PAICS: variants seen among roughly 807,000 people sequenced by gnomAD.
The protein encoded by PAICS is phosphoribosylaminoimidazole carboxylase and phosphoribosylaminoimidazolesuccinocarboxamide synthase.
PAICS carries 33 observed loss-of-function variants against 53.7 expected under a neutral mutation model. The ratio of observed to expected loss-of-function variants is 0.61; its 90% CI spans 0.47 to 0.82. The LOEUF (loss-of-function observed/expected upper bound fraction) is 0.82, where lower values mean the gene tolerates loss of function less well. PAICS is among the 40% of genes least tolerant of loss of function. PAICS has a pLI of 0.00. For synonymous variants in PAICS, 141 were observed against 167.2 expected (o/e 0.84, Z 1.21); for missense variants, 394 against 494.1 (o/e 0.80, Z 1.92).
intron 2 of PAICS, among the ~76,000 whole-genome samples, chr4:56,444,929 T>C (rs1025330364): frequency 1.3e-5 from 2 of 152,198 alleles, no homozygotes; most frequent in Non-Finnish European, 2.9e-5. Context: ...AGAAGAGCTC[T>C]TGAAACCAAG....
the PAICS span, among the ~76,000 whole-genome samples, chr4:56,418,685 C>T: frequency 4.6e-5 from 7 of 152,122 alleles, no homozygotes; most frequent in East Asian, 1.4e-3. Flanking sequence ...ACACAAAGAC[C>T]AAAGTTAATG....
At chr4:56,428,888 T>C in the PAICS span, 106 of 420,390 alleles carry the variant, frequency 2.5e-4, no homozygotes, top group Non-Finnish European at 3.4e-4. Context: ...AAACCATTAA[T>C]GTGTTTCAAA....
the PAICS span, among the ~76,000 whole-genome samples, chr4:56,411,954 C>A: frequency 2.6e-5 from 4 of 152,186 alleles, no homozygotes; most frequent in Non-Finnish European, 1.5e-5. Flanking sequence ...GAGATGACAC[C>A]AAATTCTGAG....
intron 7 of PAICS, among the ~76,000 whole-genome samples, chr4:56,452,812 A>G (rs1406794868): frequency 6.6e-6 from 1 of 152,204 alleles, no homozygotes; most frequent in Admixed American, 6.5e-5. Flanking sequence ...ATGGTATAGC[A>G]GTGATCTAAA....
the PAICS span, among the ~76,000 whole-genome samples, chr4:56,429,533 A>G: frequency 1.3e-5 from 2 of 152,204 alleles, no homozygotes; most frequent in South Asian, 2.1e-4. Flanking sequence ...GAAAATGCAC[A>G]TAAGACTAAT....
At chr4:56,433,892 A>C (rs1421686887), upstream of PAICS, among the ~76,000 whole-genome samples, 1 of 152,060 alleles carries the variant, frequency 6.6e-6, no homozygotes, top group Non-Finnish European at 1.5e-5. Context: ...GGGTTTCACC[A>C]TGTTGGCCAG....
the PAICS span, among the ~76,000 whole-genome samples, chr4:56,424,827 T>A: frequency 0.68 from 103,338 of 152,068 alleles, 35,243 homozygotes; most frequent in South Asian, 0.76. Flanking sequence ...TATGAGCTGG[T>A]ATGCCTTATT....
intron 3 of PAICS, 48 bp downstream of exon 3, chr4:56,446,921 AAATTTAT>A: frequency 8.8e-7 from 1 of 1,131,228 alleles, no homozygotes; most frequent in Non-Finnish European, 1.2e-6. Context: ...ACACGGCAAT[AAATTTAT>A]AATTAGAAAC....
chr4:56,451,960 C>G lies in PAICS; in HGVS notation c.860C>G (p.Ala287Gly). ...GGTCACTGTGAAAAAATCAAGAAGG[C>G]CTGTGGAAATTTTGGCATTCCATGT... is the stretch of plus-strand genomic sequence containing the variant. ...DLGHCEKIKK[A>G]CGNFGIPCEL... The change falls in exon 7 of 9, where the codon GCC becomes GGC. Residue 287 changes from alanine to glycine, a missense_variant. Transcript: ENST00000512576. The G allele has an allele frequency of 6.2e-7, 1 of 1,605,940 alleles. No homozygotes were observed. The highest frequency in any genetic ancestry group is 1.7e-4 in the Middle Eastern group (1 of 5,856).
chr4:56,434,224 G>A (rs138447153), upstream of PAICS, among the ~76,000 whole-genome samples: 11 of 152,316 alleles, frequency 7.2e-5, no homozygotes, highest in African/African-American at 2.6e-4. Context: ...CACACAAAAT[G>A]TGAAACTGAA....
Position 56,453,750 on chromosome 4 carries a change from G to T in PAICS, c.1100G>T (p.Arg367Leu). Reference sequence around the variant, plus strand: ...GTTCAGGATGTGTGGTCTTCTCTTCGACTACCCAGTGGTAAGATACATTGA... The same window carrying T: ...GTTCAGGATGTGTGGTCTTCTCTTCTACTACCCAGTGGTAAGATACATTGA... ...WGVQDVWSSL[R>L]LPSGLGCSTV... Residue 367 changes from arginine to leucine, a missense_variant, in exon 8 of 9, where the codon CGA becomes CTA. By Grantham distance (102) the Arg-to-Leu change is moderately radical (BLOSUM62 -2). Transcript: ENST00000512576. The T allele has an allele frequency of 6.5e-7, 1 of 1,544,952 alleles. No homozygotes were observed. The highest frequency in any genetic ancestry group is 1.4e-5 in the African/African-American group (1 of 73,078).
rs1719416948 is a variant in PAICS, at chr4:56,459,890, T to TG, written c.*353dup. ...ACTCCCAGCTATATTTCTCCAGACT[T>TG]GCATTTTTTTTTTTTTTTTTGAGAC... On this transcript the variant is annotated 3_prime_UTR_variant, in exon 9 of 9. Coordinates refer to ENST00000512576, the MANE Select transcript of PAICS (RefSeq NM_001079524.2). 6.1e-6 allele frequency: 1 copy of TG among 163,624 alleles called. No homozygotes were observed. The highest frequency in any genetic ancestry group is 6.2e-5 in the Admixed American group (1 of 16,232). The allele number at this position is 163,624 out of a possible 1,614,324, so 10.1% of individuals were successfully genotyped here.
the PAICS span, among the ~76,000 whole-genome samples, chr4:56,416,059 G>T: frequency 1.0e-5 from 1 of 98,722 alleles, no homozygotes. Flanking sequence ...GACAGAGTAA[G>T]ACTCTGTCTC....
At chr4:56,449,773 C>G (rs1314080911) in intron 5 of PAICS, among the ~76,000 whole-genome samples, 3 of 130,832 alleles carry the variant, frequency 2.3e-5, no homozygotes, top group African/African-American at 5.8e-5. Flanking sequence ...GTCAGGAGTT[C>G]AAGACCAGGC....
At chr4:56,411,419 TGAA>T in the PAICS span, among the ~76,000 whole-genome samples, 9 of 152,166 alleles carry the variant, frequency 5.9e-5, no homozygotes, top group Non-Finnish European at 8.8e-5. Context: ...ATTTTAACAA[TGAA>T]GAAGAACAGC....
rs1719618179 is a variant in PAICS, at chr4:56,464,539, AC to A, written c.*5004del. ...CAAACATAGTACATGTTTATTTATT[AC>A]CCATCTCTCCCAACTAGAAAATAAA... On this transcript the variant is annotated 3_prime_UTR_variant, in exon 9 of 9. Coordinates refer to ENST00000512576, the MANE Select transcript of PAICS (RefSeq NM_001079524.2). 6.6e-6 allele frequency: 1 copy of A among 152,136 alleles called. No individual in the cohort carries two copies. Among genetic ancestry groups the A allele is most frequent in the South Asian group, 2.1e-4 (1 of 4,828 alleles). 9.4% of individuals were successfully genotyped at this position (152,136 alleles called of 1,614,324 possible). A position where few individuals can be genotyped will look rare whatever the true frequency, so the allele number is the denominator to read the frequency against.
At chr4:56,434,137 C>T (rs1717764664), upstream of PAICS, among the ~76,000 whole-genome samples, 1 of 152,164 alleles carries the variant, frequency 6.6e-6, no homozygotes, top group African/African-American at 2.4e-5. Flanking sequence ...CCACAATTAT[C>T]CAAGATTGGA....
upstream of PAICS, among the ~76,000 whole-genome samples, chr4:56,433,199 C>T (rs531377342): frequency 7.9e-5 from 12 of 151,632 alleles, no homozygotes; most frequent in East Asian, 1.9e-3. Flanking sequence ...TGAGAACCAG[C>T]CCTCTTTGTG....
chr4:56,453,515 A>T (rs1392490822), intron 7 of PAICS, 88 bp from the exon 8 acceptor site: 2 of 783,412 alleles, frequency 2.6e-6, no homozygotes, highest in Non-Finnish European at 3.9e-6. Context: ...ATTAAAACAT[A>T]TAGGCCTTAA....
Sources: allele counts gnomAD v4.1 joint callset (sites outside exome capture counted in the v4.1 genomes callset), GRCh38; gene constraint gnomAD v4.1.1; transcripts MANE v1.5; gene names NCBI Gene and HGNC (gene_info 2026-07-23, HGNC 2026-07-21).